The following OR10G4 variants were observed in gnomAD, a reference collection of about 807,000 sequenced individuals.
The protein encoded by OR10G4 is olfactory receptor family 10 subfamily G member 4.
For missense variants in OR10G4, 318 were observed against 388.8 expected (o/e 0.82, Z 1.53); for synonymous variants, 130 against 159.3 (o/e 0.82, Z 1.39).
chr11:124,018,180 T>A lies in OR10G4; in HGVS notation c.*1670T>A, dbSNP rs935317475. 6.6e-5 allele frequency: 10 copies of A among 152,148 alleles called. No homozygotes were observed. The highest frequency in any genetic ancestry group is 1.2e-4 in the Non-Finnish European group (8 of 68,018). The allele number at this position is 152,148 out of a possible 1,614,324, so 9.4% of individuals were successfully genotyped here. On this transcript the variant is annotated 3_prime_UTR_variant, in exon 2 of 2. Transcript: ENST00000641722. ...GATGCAAAACCTTCTTGGAAAAAAA[T>A]TAATTAAAATACTTTTTTAAATTTA...
rs770089912 is a variant in OR10G4, at chr11:124,016,313, G to A, written c.739G>A (p.Val247Ile). Residue 247 changes from valine to isoleucine, a missense_variant, in exon 2 of 2, where the codon GTC (valine) becomes ATC (isoleucine). By Grantham distance (29) the Val-to-Ile change is conservative. Coordinates refer to ENST00000641722, the MANE Select transcript of OR10G4 (RefSeq NM_001004462.2). ...FQTCASHCIV[V>I]LCFFVPCVVI... The stretch of plus-strand genomic sequence containing the variant: ...GACCTGTGCCTCCCACTGTATTGTG[G>A]TCCTTTGCTTCTTTGTTCCCTGTGT... 38 of 1,614,146 alleles carry A rather than the reference G, an allele frequency of 2.4e-5. No homozygotes were observed. The highest frequency in any genetic ancestry group is 3.1e-5 in the Non-Finnish European group (37 of 1,180,020).
intron 1 of OR10G4, among the ~76,000 whole-genome samples, chr11:124,014,239 A>G (rs1397381303): frequency 6.6e-6 from 1 of 152,210 alleles, no homozygotes; most frequent in Non-Finnish European, 1.5e-5. Flanking sequence ...AGGCAATAGT[A>G]AGGACATCAG....
At position 124,015,636 on chromosome 11, in the gene OR10G4, T is replaced by G. The variant is rs745764248; in HGVS notation, c.62T>G (p.Leu21Arg). ...ACAGGCCTTCCCCATGCCCCAGGGC[T>G]GGACGCCCTCCTCTTTGGAATCTTC... The part of the protein sequence containing the change: ...ILTGLPHAPG[L>R]DALLFGIFLV... The change falls in exon 2 of 2, where the codon CTG (leucine) becomes CGG (arginine). Residue 21 changes from leucine (L) to arginine (R), a missense_variant. By Grantham distance (102) the Leu-to-Arg change is moderately radical. Transcript: ENST00000641722. 5 of 1,604,818 alleles carry G rather than the reference T, an allele frequency of 3.1e-6. No homozygotes were observed. Among genetic ancestry groups the G allele is most frequent in the Non-Finnish European group, 4.3e-6 (5 of 1,175,422 alleles).
intron 1 of OR10G4, among the ~76,000 whole-genome samples, chr11:124,014,107 C>A (rs1863995219): frequency 6.6e-6 from 1 of 152,022 alleles, no homozygotes; most frequent in Admixed American, 6.6e-5. Context: ...CAGGGCCAGT[C>A]ATGTATGAAG....
rs1288163488 is a variant in OR10G4 at position 124,018,177 on chromosome 11, AAATT to A, written c.*1674_*1677del. The A allele has an allele frequency of 7.2e-5, 11 of 152,210 alleles. No homozygotes were observed. Among genetic ancestry groups the A allele is most frequent in the South Asian group, 2.1e-4 (1 of 4,832 alleles). 9.4% of individuals were successfully genotyped at this position (152,210 alleles called of 1,614,324 possible). A position where few individuals can be genotyped will look rare whatever the true frequency, so the allele number is the denominator to read the frequency against. ...AGTGATGCAAAACCTTCTTGGAAAA[AAATT>A]AATTAAAATACTTTTTTAAATTTAT... On this transcript the variant is annotated 3_prime_UTR_variant, in exon 2 of 2. Coordinates refer to ENST00000641722, the MANE Select transcript of OR10G4 (RefSeq NM_001004462.2).
At chr11:124,014,025 T>C (rs1038383872) in intron 1 of OR10G4, among the ~76,000 whole-genome samples, 3 of 152,124 alleles carry the variant, frequency 2.0e-5, no homozygotes, top group East Asian at 1.9e-4. Flanking sequence ...ATCTAGTAGA[T>C]TGTAGTTGGG....
Position 124,015,684 on chromosome 11 carries a change from T to G in OR10G4, c.110T>G (p.Val37Gly). The G allele has an allele frequency of 6.2e-7, 1 of 1,610,648 alleles. No individual in the cohort carries two copies. Among genetic ancestry groups the G allele is most frequent in the Non-Finnish European group, 8.5e-7 (1 of 1,177,682 alleles). The change falls in exon 2 of 2, where the codon GTG becomes GGG. Residue 37 changes from valine to glycine, a missense_variant. By Grantham distance (109) the Val-to-Gly change is moderately radical. Coordinates refer to ENST00000641722, the MANE Select transcript of OR10G4 (RefSeq NM_001004462.2). ...TTCCTGGTGGTTTACGTGCTCACTGTGCTGGGGAACCTCCTCATCCTGCTG... is the reference window on the plus strand; with the variant it reads ...TTCCTGGTGGTTTACGTGCTCACTGGGCTGGGGAACCTCCTCATCCTGCTG... ...GIFLVVYVLT[V>G]LGNLLILLVI...
rs563475680 is a variant in OR10G4, at chr11:124,016,306, T to C, written c.732T>C (p.Cys244=). The C allele has an allele frequency of 1.5e-5, 25 of 1,614,020 alleles. No homozygotes were observed. Among genetic ancestry groups the C allele is most frequent in the East Asian group, 4.5e-5 (2 of 44,888 alleles). Reference sequence around the variant, plus strand: ...CCTTTCAGACCTGTGCCTCCCACTGTATTGTGGTCCTTTGCTTCTTTGTTC... The same window carrying C: ...CCTTTCAGACCTGTGCCTCCCACTGCATTGTGGTCCTTTGCTTCTTTGTTC... ...RRAFQTCASH[C]IVVLCFFVPC... is the part of the protein sequence containing the mutation. The change falls in exon 2 of 2, where the codon TGT becomes TGC. Residue 244 remains cysteine, a synonymous_variant. Coordinates refer to ENST00000641722, the MANE Select transcript of OR10G4 (RefSeq NM_001004462.2).
intron 1 of OR10G4, chr11:124,015,069 A>T (rs1864003053): frequency 6.1e-6 from 1 of 164,330 alleles, no homozygotes; most frequent in East Asian, 1.7e-4. Flanking sequence ...AAACCAGCAA[A>T]AAAACAGAGA....
rs370575449 is a variant in OR10G4 at position 124,016,442 on chromosome 11, A to C, written c.868A>C (p.Arg290=). ...PLLNPVVYTL[R]NKEVKKAVLK... is the part of the protein sequence containing the mutation. ...TCTCAACCCTGTTGTGTACACCCTG[A>C]GAAACAAGGAGGTGAAGAAAGCTGT... The change falls in exon 2 of 2, where the codon AGA becomes CGA. Residue 290 remains arginine, a synonymous_variant. Coordinates refer to ENST00000641722, the MANE Select transcript of OR10G4 (RefSeq NM_001004462.2). 1.2e-6 allele frequency: 2 copies of C among 1,613,428 alleles called. No individual in the cohort carries two copies. Among genetic ancestry groups the C allele is most frequent in the Middle Eastern group, 3.3e-4 (2 of 6,052 alleles).
rs1304976708 is a variant in OR10G4 at position 124,018,358 on chromosome 11, C to T, written c.*1848C>T. The stretch of plus-strand genomic sequence containing the variant: ...TAATGCTATCCCTCCCCCAGCCCCC[C>T]ACCCCCCAAAAGGCCCCCTTGTGTG... On this transcript the variant is annotated 3_prime_UTR_variant, in exon 2 of 2. Transcript: ENST00000641722. The T allele has an allele frequency of 6.7e-6, 1 of 149,254 alleles. No individual in the cohort carries two copies. Among genetic ancestry groups the T allele is most frequent in the Non-Finnish European group, 1.5e-5 (1 of 67,304 alleles). The allele number at this position is 149,254 out of a possible 1,614,324, so 9.2% of individuals were successfully genotyped here.
chr11:124,014,615 C>A (rs1863998981), intron 1 of OR10G4, among the ~76,000 whole-genome samples: 1 of 152,102 alleles, frequency 6.6e-6, no homozygotes, highest in Admixed American at 6.5e-5. Flanking sequence ...ACATATATAA[C>A]CTTATTTAAT....
Position 124,018,041 on chromosome 11 carries a change from A to T in OR10G4, c.*1531A>T, listed in dbSNP as rs1864035312. 1 of 152,212 alleles carries T rather than the reference A, an allele frequency of 6.6e-6. No individual in the cohort carries two copies. The highest frequency in any genetic ancestry group is 2.1e-4 in the South Asian group (1 of 4,826). The allele number at this position is 152,212 out of a possible 1,614,324, so 9.4% of individuals were successfully genotyped here. ...GGTATCTGGGTATTCAGAATAAAAA[A>T]AATTAGTCTCGATCCTATTTCATAC... On this transcript the variant is annotated 3_prime_UTR_variant, in exon 2 of 2. Transcript: ENST00000641722.
Position 124,016,087 on chromosome 11 carries a change from C to A in OR10G4, c.513C>A (p.Asn171Lys), listed in dbSNP as rs753091106. 1.9e-6 allele frequency: 3 copies of A among 1,613,922 alleles called. No individual in the cohort carries two copies. The highest frequency in any genetic ancestry group is 2.2e-5 in the East Asian group (1 of 44,868). The change falls in exon 2 of 2, where the codon AAC becomes AAA. Residue 171 changes from asparagine (N) to lysine (K), a missense_variant. Coordinates refer to ENST00000641722, the MANE Select transcript of OR10G4 (RefSeq NM_001004462.2). ...TCCATTTGCCCTACTGTGGACCCAACCAGATCCAGCACTACTTCTGTGACG... is the reference window on the plus strand; with the variant it reads ...TCCATTTGCCCTACTGTGGACCCAAACAGATCCAGCACTACTTCTGTGACG... ...LTFHLPYCGP[N>K]QIQHYFCDAP...
In OR10G4 at chr11:124,016,037, T is replaced by C. The variant is rs753772600; in HGVS notation, c.463T>C (p.Ser155Pro). The change falls in exon 2 of 2, where the codon TCT becomes CCT. Residue 155 changes from serine (S) to proline (P), a missense_variant. Physicochemically the swap from Ser to Pro is moderately conservative, Grantham distance 74. Coordinates refer to ENST00000641722, the MANE Select transcript of OR10G4 (RefSeq NM_001004462.2). ...CACTTGGCTCAGTGGCTCTCTGCAC[T>C]CTGCTGTCCAGACCATATTGACTTT... Reference protein sequence around the residue: ...TGTWLSGSLHSAVQTILTFHL... With the variant: ...TGTWLSGSLHPAVQTILTFHL... The C allele has an allele frequency of 1.2e-6, 2 of 1,613,940 alleles. No individual in the cohort carries two copies. Among genetic ancestry groups the C allele is most frequent in the Non-Finnish European group, 1.7e-6 (2 of 1,179,856 alleles).
At chr11:124,013,628 C>T (rs1409982965) in intron 1 of OR10G4, among the ~76,000 whole-genome samples, 2 of 152,166 alleles carry the variant, frequency 1.3e-5, no homozygotes, top group African/African-American at 4.8e-5. Context: ...TGCAGATATC[C>T]TGGTTTCTTC....
intron 1 of OR10G4, among the ~76,000 whole-genome samples, chr11:124,014,568 C>T (rs1035184794): frequency 2.0e-5 from 3 of 152,166 alleles, no homozygotes; most frequent in Admixed American, 2.0e-4. Context: ...GTGAGGTGAA[C>T]CTGGTACCTC....
Position 124,015,698 on chromosome 11 carries a change from C to T in OR10G4, c.124C>T (p.Leu42Phe), listed in dbSNP as rs1332121408. The change falls in exon 2 of 2, where the codon CTC becomes TTC. Residue 42 changes from leucine to phenylalanine, a missense_variant. By Grantham distance (22) the Leu-to-Phe change is conservative. Coordinates refer to ENST00000641722, the MANE Select transcript of OR10G4 (RefSeq NM_001004462.2). ...CGTGCTCACTGTGCTGGGGAACCTCCTCATCCTGCTGGTGATCAGGGTGGA... is the reference window on the plus strand; with the variant it reads ...CGTGCTCACTGTGCTGGGGAACCTCTTCATCCTGCTGGTGATCAGGGTGGA... The part of the protein sequence containing the change: ...VYVLTVLGNL[L>F]ILLVIRVDSH... 3 of 1,610,164 alleles carry T rather than the reference C, an allele frequency of 1.9e-6. No individual in the cohort carries two copies. In the Admixed American group the frequency reaches 5.0e-5, roughly 27 times the overall value.
In OR10G4 at chr11:124,017,718, T is replaced by C. The variant is rs1864032887; in HGVS notation, c.*1208T>C. On this transcript the variant is annotated 3_prime_UTR_variant, in exon 2 of 2. Transcript: ENST00000641722. ...GCTATTCCAAGTAAAATCCCAGCGT[T>C]TGATTTTGCAGCTATGGACATGTGG... 1 of 152,202 alleles carries C rather than the reference T, an allele frequency of 6.6e-6. No individual in the cohort carries two copies. Among genetic ancestry groups the C allele is most frequent in the African/African-American group, 2.4e-5 (1 of 41,448 alleles). The allele number at this position is 152,202 out of a possible 1,614,324, so 9.4% of individuals were successfully genotyped here. A position where few individuals can be genotyped will look rare whatever the true frequency, so the allele number is the denominator to read the frequency against.
Sources: gnomAD v4.1 joint callset for allele counts (sites outside exome capture counted in the v4.1 genomes callset) on GRCh38, gnomAD v4.1.1 for gene constraint, MANE v1.5 for transcripts, NCBI Gene and HGNC (gene_info 2026-07-23, HGNC 2026-07-21) for gene names.